The following PPP3CB variants were observed in gnomAD, a reference collection of about 807,000 sequenced individuals.
The protein encoded by PPP3CB is serine/threonine-protein phosphatase 2B catalytic subunit beta isoform.
PPP3CB carries 8 observed loss-of-function variants against 66.4 expected under a neutral mutation model. The ratio of observed to expected loss-of-function variants is 0.12; its 90% CI spans 0.07 to 0.22. The LOEUF (loss-of-function observed/expected upper bound fraction) is 0.22, where lower values mean the gene tolerates loss of function less well. PPP3CB is among the 10% of genes least tolerant of loss of function. The pLI, the probability that PPP3CB is intolerant of heterozygous loss-of-function variation, is 1.00. For missense variants in PPP3CB, 319 were observed against 642.5 expected (o/e 0.50, Z 5.44); for synonymous variants, 208 against 221.2 (o/e 0.94, Z 0.53).
chr10:73,477,597 T>C (rs1297180738), intron 3 of PPP3CB, among the ~76,000 whole-genome samples: 1 of 152,224 alleles, frequency 6.6e-6, no homozygotes, highest in African/African-American at 2.4e-5. Context: ...CATATTGTTC[T>C]ACATTTGCTG....
Position 73,495,882 on chromosome 10 carries a change from GCGGCCATGC to G in PPP3CB, c.-2_7del. 7.4e-7 allele frequency: 1 copy of G among 1,344,016 alleles called. No individual in the cohort carries two copies. The highest frequency in any genetic ancestry group is 9.5e-7 in the Non-Finnish European group (1 of 1,051,106). The allele number at this position is 1,344,016 out of a possible 1,614,324, so 83.3% of individuals were successfully genotyped here. A position where few individuals can be genotyped will look rare whatever the true frequency, so the allele number is the denominator to read the frequency against. On this transcript the variant is annotated start_lost and 5_prime_UTR_variant, in exon 1 of 14. Transcript: ENST00000360663. Reference sequence around the variant, plus strand: ...CGGTGCAGCCCGGGCCGGCTCCGGGGCGGCCATGCTGGGCCCGGGGCTCGGCTAGGCTCT... The same window carrying G: ...CGGTGCAGCCCGGGCCGGCTCCGGGGTGGGCCCGGGGCTCGGCTAGGCTCT...
At chr10:73,454,075 A>G (rs918496161) in intron 10 of PPP3CB, among the ~76,000 whole-genome samples, 2 of 152,238 alleles carry the variant, frequency 1.3e-5, no homozygotes, top group Non-Finnish European at 2.9e-5. Flanking sequence ...TTGTTCTAAT[A>G]AAACAAATAG....
chr10:73,471,350 A>G, intron 5 of PPP3CB, 118 bp downstream of exon 5: 1 of 1,351,564 alleles, frequency 7.4e-7, no homozygotes. Flanking sequence ...TTAAGATATC[A>G]GTATACTAAT....
chr10:73,451,135 G>T (rs903239221), intron 10 of PPP3CB, among the ~76,000 whole-genome samples: 1 of 151,692 alleles, frequency 6.6e-6, no homozygotes, highest in African/African-American at 2.4e-5. Context: ...TATAAGAAGA[G>T]GACTAAAGCA....
At position 73,471,618 on chromosome 10, in the gene PPP3CB, A is replaced by G; in HGVS notation, c.524-5T>C. On this transcript the variant is annotated splice_region_variant and splice_polypyrimidine_tract_variant and intron_variant, in intron 4 of 13. Coordinates refer to ENST00000360663, the MANE Select transcript of PPP3CB (RefSeq NM_021132.4). ...TTTCCGAATACTTAATTTTACCTAG[A>G]AAAACAAAAAACTAATTGAAAATTA... is the stretch of plus-strand genomic sequence containing the variant. The G allele has an allele frequency of 6.4e-7, 1 of 1,567,224 alleles. No individual in the cohort carries two copies. The highest frequency in any genetic ancestry group is 8.6e-7 in the Non-Finnish European group (1 of 1,156,246).
At position 73,437,050 on chromosome 10, in the gene PPP3CB, A is replaced by AT. The variant is rs1423492738; in HGVS notation, c.*1191dup. 6.5e-6 allele frequency: 1 copy of AT among 152,694 alleles called. No individual in the cohort carries two copies. Among genetic ancestry groups the AT allele is most frequent in the Non-Finnish European group, 1.5e-5 (1 of 68,046 alleles). 9.5% of individuals were successfully genotyped at this position (152,694 alleles called of 1,614,324 possible). A position where few individuals can be genotyped will look rare whatever the true frequency, so the allele number is the denominator to read the frequency against. On this transcript the variant is annotated 3_prime_UTR_variant, in exon 14 of 14. Transcript: ENST00000360663. ...CAGTGGCAATCAATACAGGTCAATA[A>AT]TTGTGAAAAATTAGCACATGGTTCC... is the stretch of plus-strand genomic sequence containing the variant.
intron 4 of PPP3CB, among the ~76,000 whole-genome samples, chr10:73,472,000 C>T (rs1295649609): frequency 6.6e-6 from 1 of 152,108 alleles, no homozygotes; most frequent in African/African-American, 2.4e-5. Context: ...TTACTGCACA[C>T]AATTTTTTTA....
intron 1 of PPP3CB, among the ~76,000 whole-genome samples, chr10:73,482,751 C>T (rs894283698): frequency 2.2e-4 from 34 of 151,590 alleles, no homozygotes; most frequent in African/African-American, 8.2e-4. Flanking sequence ...CCAAGTAGCT[C>T]GGATTACAGG....
intron 9 of PPP3CB, among the ~76,000 whole-genome samples, chr10:73,464,423 A>C (rs2056583552): frequency 6.6e-6 from 1 of 152,150 alleles, no homozygotes; most frequent in Admixed American, 6.5e-5. Context: ...TCAATAAATA[A>C]ATCTTACATG....
intron 1 of PPP3CB, among the ~76,000 whole-genome samples, chr10:73,494,161 A>G (rs978879636): frequency 2.2e-4 from 33 of 150,192 alleles, no homozygotes; most frequent in African/African-American, 6.1e-4. Flanking sequence ...CTGCATTACT[A>G]TTTTTTTTTT....
chr10:73,481,999 C>T (rs1312095300), intron 1 of PPP3CB, among the ~76,000 whole-genome samples: 2 of 151,956 alleles, frequency 1.3e-5, no homozygotes, highest in Non-Finnish European at 2.9e-5. Flanking sequence ...AAAGATTAAA[C>T]AAACCATTAT....
rs930783401 is a variant in PPP3CB, at chr10:73,437,644, T to C, written c.*598A>G. The C allele has an allele frequency of 6.6e-6, 1 of 152,598 alleles. No individual in the cohort carries two copies. The highest frequency in any genetic ancestry group is 2.4e-5 in the African/African-American group (1 of 41,442). The allele number at this position is 152,598 out of a possible 1,614,324, so 9.5% of individuals were successfully genotyped here. A position where few individuals can be genotyped will look rare whatever the true frequency, so the allele number is the denominator to read the frequency against. On this transcript the variant is annotated 3_prime_UTR_variant, in exon 14 of 14. Coordinates refer to ENST00000360663, the MANE Select transcript of PPP3CB (RefSeq NM_021132.4). ...TCAAGTAAGAGAGCCTGCCTGGAAA[T>C]AGGATATGCATTCATAATTAAAAAA...
Position 73,451,377 on chromosome 10 carries a change from CAGAT to C in PPP3CB, c.1186+3031_1186+3034del, listed in dbSNP as rs529154025. ...CAAATATATAGTATATTCTTTTACACAGATAGAAAATAAGAGACACCAGTTGTAA... is the reference window on the plus strand; with the variant it reads ...CAAATATATAGTATATTCTTTTACACAGAAAATAAGAGACACCAGTTGTAA... On this transcript the variant is annotated intron_variant, in intron 10 of 13. Transcript: ENST00000360663. Among the ~76,000 whole-genome samples the C allele has an allele frequency of 1.7e-3, 263 of 151,762 alleles. 1 individual carries two copies. The highest frequency in any genetic ancestry group is 6.0e-3 in the African/African-American group (247 of 41,444).
intron 1 of PPP3CB, among the ~76,000 whole-genome samples, chr10:73,491,184 C>T (rs2057072724): frequency 6.6e-6 from 1 of 151,974 alleles, no homozygotes; most frequent in Non-Finnish European, 1.5e-5. Context: ...GCGTGTACCA[C>T]CACACCAGGC....
At chr10:73,460,265 CAAAAAAAA>C (rs11447229) in intron 9 of PPP3CB, among the ~76,000 whole-genome samples, 58 of 35,830 alleles carry the variant, frequency 1.6e-3, no homozygotes, top group Middle Eastern at 0.021. Flanking sequence ...AAAGTAATAG[CAAAAAAAA>C]AAAAAAAAAA....
chr10:73,463,553 A>C (rs935143569), intron 9 of PPP3CB, among the ~76,000 whole-genome samples: 2 of 152,210 alleles, frequency 1.3e-5, no homozygotes, highest in African/African-American at 2.4e-5. Context: ...AAGTTCTCTT[A>C]TCTAGAATTC....
intron 1 of PPP3CB, among the ~76,000 whole-genome samples, chr10:73,485,563 TCCTTGGCAA>T (rs2056957714): frequency 6.6e-6 from 1 of 152,190 alleles, no homozygotes; most frequent in Non-Finnish European, 1.5e-5. Context: ...ATCATTGCCA[TCCTTGGCAA>T]CTATCCAAAA....
intron 10 of PPP3CB, among the ~76,000 whole-genome samples, chr10:73,448,415 C>G (rs2056293883): frequency 6.6e-6 from 1 of 151,962 alleles, no homozygotes; most frequent in Non-Finnish European, 1.5e-5. Flanking sequence ...TACAAATAAG[C>G]AAAAGAATGA....
chr10:73,492,131 T>TA (rs1039816694), intron 1 of PPP3CB, among the ~76,000 whole-genome samples: 17 of 152,066 alleles, frequency 1.1e-4, no homozygotes, highest in Non-Finnish European at 2.9e-5. Context: ...TACTTTAGCT[T>TA]AAAAAAAATT....
Sources: allele counts gnomAD v4.1 joint callset (sites outside exome capture counted in the v4.1 genomes callset), GRCh38; gene constraint gnomAD v4.1.1; transcripts MANE v1.5; gene names NCBI Gene and HGNC (gene_info 2026-07-23, HGNC 2026-07-21).